The following HRH1 variants were observed in gnomAD, a reference collection of about 807,000 sequenced individuals.
HRH1 encodes the protein histamine H1 receptor.
HRH1 carries 6 observed loss-of-function variants against 10.3 expected under a neutral mutation model. The observed-to-expected ratio is 0.58, with a 90% CI of 0.32 to 1.15. The LOEUF (loss-of-function observed/expected upper bound fraction) is 1.15. Among genes scored for constraint, HRH1 ranks in the 50% most tolerant of loss-of-function variants. HRH1 has a pLI of 0.05. For synonymous variants in HRH1, 242 were observed against 236.7 expected, an observed-to-expected ratio of 1.02 and a Z score of -0.21; for missense variants, 514 against 615.3, an observed-to-expected ratio of 0.84 and a Z score of 1.74.
rs746264105 is a variant in HRH1 at position 11,260,128 on chromosome 3, A to G, written c.1091A>G (p.Asp364Gly). 3 of 1,614,040 alleles carry G rather than the reference A, an allele frequency of 1.9e-6. No homozygotes were observed. The highest frequency in any genetic ancestry group is 1.3e-5 in the African/African-American group (1 of 74,912). The change falls in exon 2 of 2, where the codon GAT becomes GGT. Residue 364 changes from aspartate (D) to glycine (G), a missense_variant. Transcript: ENST00000431010. ...CAATCCTTCTCTCGAACGGACTCAGATACCACCACAGAGACAGCACCAGGC... is the reference window on the plus strand; with the variant it reads ...CAATCCTTCTCTCGAACGGACTCAGGTACCACCACAGAGACAGCACCAGGC... ...DSQSFSRTDSDTTTETAPGKG... is the reference protein window; with the variant it reads ...DSQSFSRTDSGTTTETAPGKG...
At chr3:11,198,928 A>C (rs867708957) in intron 1 of HRH1, among the ~76,000 whole-genome samples, 1 of 140,356 alleles carries the variant, frequency 7.1e-6, no homozygotes, top group African/African-American at 2.7e-5. Flanking sequence ...ACACACACAC[A>C]TTTTTTTTTT....
chr3:11,221,511 C>T (rs1450515517), intron 1 of HRH1, among the ~76,000 whole-genome samples: 3 of 151,336 alleles, frequency 2.0e-5, no homozygotes, highest in East Asian at 1.9e-4. Flanking sequence ...GCCGAGATCA[C>T]GCCATTGCAC....
At chr3:11,197,452 G>A (rs2125025175) in intron 1 of HRH1, among the ~76,000 whole-genome samples, 1 of 152,212 alleles carries the variant, frequency 6.6e-6, no homozygotes. Context: ...CCCAGAAAAG[G>A]GGCCATACGG....
At chr3:11,183,485 G>T (rs1480160987) in intron 1 of HRH1, among the ~76,000 whole-genome samples, 1 of 152,146 alleles carries the variant, frequency 6.6e-6, no homozygotes, top group African/African-American at 2.4e-5. Context: ...CAGTGCACAG[G>T]GCAGCCCCCA....
intron 1 of HRH1, among the ~76,000 whole-genome samples, chr3:11,142,791 G>A (rs188777213): frequency 1.3e-5 from 2 of 152,248 alleles, no homozygotes; most frequent in African/African-American, 2.4e-5. Context: ...GCAGGTGCCT[G>A]TAATCCCACC....
At chr3:11,144,446 T>C (rs1574968511) in intron 1 of HRH1, among the ~76,000 whole-genome samples, 2 of 151,598 alleles carry the variant, frequency 1.3e-5, no homozygotes, top group East Asian at 1.9e-4. Context: ...CATATAGACA[T>C]ACGTCTATAG....
At chr3:11,245,619 C>A (rs1008796682) in intron 1 of HRH1, among the ~76,000 whole-genome samples, 7 of 152,208 alleles carry the variant, frequency 4.6e-5, no homozygotes, top group African/African-American at 1.4e-4. Flanking sequence ...TTTGCTGGCA[C>A]ATGGGCCTGA....
intron 1 of HRH1, among the ~76,000 whole-genome samples, chr3:11,205,992 G>T (rs183733196): frequency 1.2e-4 from 19 of 152,196 alleles, no homozygotes; most frequent in South Asian, 4.1e-4. Context: ...TCAGATGGCT[G>T]CCATTTGGGG....
chr3:11,224,662 T>C (rs1938824028), intron 1 of HRH1, among the ~76,000 whole-genome samples: 1 of 149,294 alleles, frequency 6.7e-6, no homozygotes, highest in African/African-American at 2.5e-5. Flanking sequence ...TATGCGCCAC[T>C]GCACTCCAGC....
At chr3:11,144,881 T>TAATA (rs1041521792) in intron 1 of HRH1, among the ~76,000 whole-genome samples, 6 of 151,830 alleles carry the variant, frequency 4.0e-5, no homozygotes, top group African/African-American at 7.3e-5. Context: ...AAAAAATATA[T>TAATA]AATAAATAAA....
At chr3:11,190,617 T>C (rs1937518049) in intron 1 of HRH1, among the ~76,000 whole-genome samples, 1 of 151,902 alleles carries the variant, frequency 6.6e-6, no homozygotes, top group Admixed American at 6.6e-5. Context: ...AGTCTCAAAC[T>C]CCTGAGCTCA....
chr3:11,227,126 G>A (rs1044914909), intron 1 of HRH1, among the ~76,000 whole-genome samples: 2 of 152,070 alleles, frequency 1.3e-5, no homozygotes, highest in Non-Finnish European at 2.9e-5. Context: ...GTTGAGAGAC[G>A]ATGTTGTCAA....
intron 1 of HRH1, among the ~76,000 whole-genome samples, chr3:11,187,056 A>G (rs967085956): frequency 6.6e-6 from 1 of 152,200 alleles, no homozygotes; most frequent in African/African-American, 2.4e-5. Context: ...ACGTTCTTAA[A>G]ATAATCTCAG....
At chr3:11,165,971 G>A (rs934362977) in intron 1 of HRH1, among the ~76,000 whole-genome samples, 6 of 152,066 alleles carry the variant, frequency 3.9e-5, no homozygotes, top group African/African-American at 1.4e-4. Context: ...TATATTTGTC[G>A]TTTCGTTTGC....
At chr3:11,234,638 T>A in intron 1 of HRH1, 1 of 1,377,604 alleles carries the variant, frequency 7.3e-7, no homozygotes, top group Non-Finnish European at 1.0e-6. Context: ...TCTTTGGTTA[T>A]AAATATGATT....
chr3:11,235,477 C>G (rs207462995), intron 1 of HRH1, among the ~76,000 whole-genome samples: 1 of 152,076 alleles, frequency 6.6e-6, no homozygotes, highest in Non-Finnish European at 1.5e-5. Context: ...GCGTGGCTTC[C>G]TCACTGTTGC....
chr3:11,241,630 G>A (rs954350832), intron 1 of HRH1, among the ~76,000 whole-genome samples: 6 of 151,858 alleles, frequency 4.0e-5, no homozygotes, highest in East Asian at 1.9e-4. Flanking sequence ...TCAGGAGATC[G>A]AAACCATCCT....
chr3:11,169,398 AG>A (rs1380467728), intron 1 of HRH1, among the ~76,000 whole-genome samples: 1 of 152,166 alleles, frequency 6.6e-6, no homozygotes, highest in African/African-American at 2.4e-5. Flanking sequence ...ATGGAAACGA[AG>A]AGATGGGGGA....
chr3:11,141,175 A>C (rs1936286004), intron 1 of HRH1, among the ~76,000 whole-genome samples: 1 of 152,182 alleles, frequency 6.6e-6, no homozygotes, highest in Admixed American at 6.5e-5. Context: ...GGGACTCTGC[A>C]GGGAAGAGAC....
Sources: gnomAD v4.1 joint callset for allele counts (sites outside exome capture counted in the v4.1 genomes callset) on GRCh38, gnomAD v4.1.1 for gene constraint, MANE v1.5 for transcripts, NCBI Gene and HGNC (gene_info 2026-07-23, HGNC 2026-07-21) for gene names.